The following ZNF473 variants were observed in gnomAD, a reference collection of about 807,000 sequenced individuals.
ZNF473 encodes the protein zinc finger protein 100 homolog.
A neutral mutation model predicts 11.1 loss-of-function variants in ZNF473; 4 were observed. That is an observed-to-expected ratio of 0.36 (90% CI 0.18 to 0.82). The LOEUF is 0.82. Ranked by LOEUF, ZNF473 falls within the 40% of genes least tolerant of loss-of-function variation. The probability of loss-of-function intolerance (pLI) is 0.49; values close to 1 mark genes in which losing one functional copy is unlikely to be tolerated. For missense variants in ZNF473, 854 were observed against 1,084.0 expected, an observed-to-expected ratio of 0.79 and a Z score of 2.98; for synonymous variants, 404 against 390.4, an observed-to-expected ratio of 1.03 and a Z score of -0.41.
intron 2 of ZNF473, among the ~76,000 whole-genome samples, chr19:50,032,275 C>T (rs1374428320): frequency 1.3e-5 from 2 of 151,160 alleles, no homozygotes; most frequent in Admixed American, 1.3e-4. Context: ...TTGGCTGCTA[C>T]TCTTGACAGG....
intron 2 of ZNF473, among the ~76,000 whole-genome samples, chr19:50,032,564 A>G (rs900790120): frequency 9.9e-5 from 15 of 152,078 alleles, no homozygotes; most frequent in Admixed American, 6.6e-5. Flanking sequence ...CTTTGTTGTA[A>G]GTCTGGACTA....
At chr19:50,028,444 C>T (rs187338592) in intron 1 of ZNF473, among the ~76,000 whole-genome samples, 174 of 152,030 alleles carry the variant, frequency 1.1e-3, no homozygotes, top group Non-Finnish European at 1.7e-3. Context: ...GCCTCCCAAG[C>T]GATCCTCCTA....
At chr19:50,037,823 G>GCT (rs910234545) in intron 2 of ZNF473, among the ~76,000 whole-genome samples, 10 of 146,174 alleles carry the variant, frequency 6.8e-5, no homozygotes, top group East Asian at 3.9e-4. Context: ...TCTCTCGCTC[G>GCT]CTCTCTCTCT....
rs1979015374 is a variant in ZNF473 at position 50,045,280 on chromosome 19, C to A, written c.837C>A (p.Tyr279Ter). The change falls in exon 5 of 5, where the codon TAC becomes TAA. Residue 279 changes from tyrosine to a stop codon, truncating the protein, a stop_gained. Transcript: ENST00000270617. LOFTEE classifies it low-confidence loss of function (END_TRUNC). ...EYGTTFSQST[Y>*]LWHQKTHTGE... is the part of the protein sequence containing the mutation. ...GGACAACTTTTAGTCAGAGTACATA[C>A]CTGTGGCATCAGAAAACTCACACTG... 1 of 1,614,134 alleles carries A rather than the reference C, an allele frequency of 6.2e-7. No individual in the cohort carries two copies. Among genetic ancestry groups the A allele is most frequent in the Non-Finnish European group, 8.5e-7 (1 of 1,180,036 alleles).
intron 2 of ZNF473, among the ~76,000 whole-genome samples, chr19:50,038,078 C>T (rs1302503703): frequency 6.8e-6 from 1 of 147,342 alleles, no homozygotes; most frequent in East Asian, 2.0e-4. Flanking sequence ...GCGATCACAG[C>T]TCACTGTAGC....
intron 4 of ZNF473, chr19:50,042,905 A>G (rs989773158): frequency 3.3e-5 from 5 of 152,266 alleles, no homozygotes; most frequent in African/African-American, 7.2e-5. Flanking sequence ...GGCAAAGGTG[A>G]CAATTCAGAA....
At chr19:50,044,085 T>C (rs1978935160) in intron 4 of ZNF473, among the ~76,000 whole-genome samples, 1 of 152,066 alleles carries the variant, frequency 6.6e-6, no homozygotes, top group African/African-American at 2.4e-5. Context: ...CAAAGCCCTT[T>C]AGGGCTAGTG....
At chr19:50,044,281 G>A (rs1429740147) in intron 4 of ZNF473, among the ~76,000 whole-genome samples, 1 of 152,212 alleles carries the variant, frequency 6.6e-6, no homozygotes, top group Non-Finnish European at 1.5e-5. Context: ...CTAGCATGGA[G>A]AACTGGATGG....
chr19:50,046,552 G>A lies in ZNF473; in HGVS notation c.2109G>A (p.Val703=), dbSNP rs761427157. The change falls in exon 5 of 5, where the codon GTG becomes GTA. Residue 703 remains valine, a synonymous_variant. Coordinates refer to ENST00000270617, the MANE Select transcript of ZNF473 (RefSeq NM_015428.4). The surrounding 1 kb of genome is among the most constrained non-coding windows in gnomAD (Gnocchi z 5.9). ...CTCATGCCAGAAAGAAGCCGTTGGT[G>A]TGTAACGAATGCGGGAAAACGTTCC... ...ERTHARKKPL[V]CNECGKTFRQ... The A allele has an allele frequency of 6.2e-6, 10 of 1,614,236 alleles. No homozygotes were observed. In the South Asian group the frequency reaches 9.9e-5, roughly 16 times the overall value.
intron 1 of ZNF473, among the ~76,000 whole-genome samples, chr19:50,027,427 A>G (rs565547404): frequency 4.6e-5 from 7 of 152,312 alleles, no homozygotes; most frequent in Admixed American, 6.5e-5. Flanking sequence ...AGGAAGGGCA[A>G]GACTCTTGGG....
At chr19:50,034,885 C>T (rs2077336930) in intron 2 of ZNF473, among the ~76,000 whole-genome samples, 1 of 152,172 alleles carries the variant, frequency 6.6e-6, no homozygotes, top group South Asian at 2.1e-4. Context: ...CTTGTGCCCC[C>T]TGTTTGTGGT....
intron 2 of ZNF473, among the ~76,000 whole-genome samples, chr19:50,035,662 G>A (rs1978387686): frequency 6.6e-6 from 1 of 152,136 alleles, no homozygotes; most frequent in African/African-American, 2.4e-5. Context: ...TAGACAACAA[G>A]CACCACTTAT....
In ZNF473 at chr19:50,039,388, C is replaced by T; in HGVS notation, c.136+101C>T. On this transcript the variant is annotated intron_variant, in intron 3 of 4. Transcript: ENST00000270617. This position sits in a 1 kb window ranked among gnomAD's most constrained non-coding sequence, Gnocchi z 4.8. ...GTGAAGTCCTGGCTCCTGGGCTCCTCAGAATCAGCATGACCTAGCCCAGCA... is the reference window on the plus strand; with the variant it reads ...GTGAAGTCCTGGCTCCTGGGCTCCTTAGAATCAGCATGACCTAGCCCAGCA... 1 of 1,479,638 alleles carries T rather than the reference C, an allele frequency of 6.8e-7. No homozygotes were observed. Among genetic ancestry groups the T allele is most frequent in the South Asian group, 1.3e-5 (1 of 79,430 alleles). The allele number at this position is 1,479,638 out of a possible 1,614,324, so 91.7% of individuals were successfully genotyped here. A position where few individuals can be genotyped will look rare whatever the true frequency, so the allele number is the denominator to read the frequency against.
intron 2 of ZNF473, among the ~76,000 whole-genome samples, chr19:50,032,070 C>T (rs2077321303): frequency 6.6e-6 from 1 of 151,320 alleles, no homozygotes; most frequent in Non-Finnish European, 1.5e-5. Context: ...ACAATGTGGT[C>T]TAGCACACAG....
intron 3 of ZNF473, chr19:50,041,455 T>G: frequency 7.7e-6 from 2 of 258,902 alleles, no homozygotes; most frequent in Non-Finnish European, 1.5e-5. Flanking sequence ...ATCCTGCCCA[T>G]TAAAGAGCTG....
intron 2 of ZNF473, among the ~76,000 whole-genome samples, chr19:50,033,604 G>T (rs1015510758): frequency 6.6e-6 from 1 of 152,124 alleles, no homozygotes; most frequent in Non-Finnish European, 1.5e-5. Context: ...ATACAAACTT[G>T]TGGGCTTAAA....
intron 2 of ZNF473, among the ~76,000 whole-genome samples, chr19:50,031,674 T>C (rs1393504288): frequency 6.6e-6 from 1 of 152,098 alleles, no homozygotes; most frequent in Non-Finnish European, 1.5e-5. Flanking sequence ...CCTGCCCATA[T>C]CTGTCAGCCC....
intron 3 of ZNF473, chr19:50,041,511 C>T (rs1394651398): frequency 2.8e-6 from 1 of 361,804 alleles, no homozygotes; most frequent in Non-Finnish European, 5.0e-6. Context: ...CAGCTTTGAT[C>T]ACCCTGGATT....
intron 1 of ZNF473, among the ~76,000 whole-genome samples, chr19:50,028,038 C>A (rs1401500305): frequency 6.6e-6 from 1 of 151,884 alleles, no homozygotes; most frequent in Non-Finnish European, 1.5e-5. Context: ...GTGGCTCATG[C>A]CTGTAATCCC....
Sources: gnomAD v4.1 joint callset for allele counts (sites outside exome capture counted in the v4.1 genomes callset) on GRCh38, gnomAD v4.1.1 for gene constraint, Gnocchi (gnomAD v3.1) non-coding constraint, MANE v1.5 for transcripts, NCBI Gene and HGNC (gene_info 2026-07-23, HGNC 2026-07-21) for gene names.